Variants in ADGRV1 observed in about 807,000 individuals in gnomAD.
ADGRV1 encodes the protein adhesion G protein-coupled receptor V1, also known as G-protein coupled receptor 98.
Under a neutral mutation model 596.2 loss-of-function variants are expected in ADGRV1, and 359 were observed. The ratio of observed to expected loss-of-function variants is 0.60; its 90% CI spans 0.55 to 0.66. The LOEUF is 0.66. Ranked by LOEUF, ADGRV1 falls within the 30% of genes least tolerant of loss-of-function variation. The pLI, the probability that ADGRV1 is intolerant of heterozygous loss-of-function variation, is 0.00. For synonymous variants in ADGRV1, 2,681 were observed against 2,679.2 expected, an observed-to-expected ratio of 1.00 and a Z score of -0.02; for missense variants, 7,274 against 7,575.6, an observed-to-expected ratio of 0.96 and a Z score of 1.48.
chr5:90,819,438 T>C (rs1763250323), intron 75 of ADGRV1, among the ~76,000 whole-genome samples: 2 of 151,216 alleles, frequency 1.3e-5, no homozygotes, highest in African/African-American at 4.9e-5. Context: ...TGATTTTAGT[T>C]ATTTCTTGCC....
chr5:91,021,324 C>T (rs903977719), intron 85 of ADGRV1, among the ~76,000 whole-genome samples: 2 of 152,028 alleles, frequency 1.3e-5, no homozygotes, highest in Non-Finnish European at 2.9e-5. Context: ...GAATTCTATA[C>T]GGGGCCTAGC....
At chr5:90,847,224 G>A (rs1219917793) in intron 78 of ADGRV1, among the ~76,000 whole-genome samples, 1 of 150,404 alleles carries the variant, frequency 6.6e-6, no homozygotes, top group Non-Finnish European at 1.5e-5. Context: ...GTGCTGATTG[G>A]TGTATTTACA....
chr5:90,569,575 G>T (rs2151952893), intron 1 of ADGRV1, among the ~76,000 whole-genome samples: 1 of 150,244 alleles, frequency 6.7e-6, no homozygotes, highest in African/African-American at 2.4e-5. Context: ...TGATAAGGTA[G>T]GATTGATGTC....
chr5:90,586,276 A>G (rs558554577), intron 1 of ADGRV1, among the ~76,000 whole-genome samples: 2 of 152,376 alleles, frequency 1.3e-5, no homozygotes, highest in South Asian at 4.1e-4. Flanking sequence ...ATTTTCCTAC[A>G]TAACTACAGT....
intron 1 of ADGRV1, among the ~76,000 whole-genome samples, chr5:90,577,186 C>T (rs773196166): frequency 3.3e-5 from 5 of 152,124 alleles, no homozygotes; most frequent in South Asian, 2.1e-4. Flanking sequence ...TCATGAAGCC[C>T]TTGCCCATGC....
chr5:90,773,890 A>C (rs1757944796), intron 59 of ADGRV1, among the ~76,000 whole-genome samples: 1 of 152,162 alleles, frequency 6.6e-6, no homozygotes, highest in Non-Finnish European at 1.5e-5. Context: ...GTCTGTTTAC[A>C]TCATTGTGTG....
intron 74 of ADGRV1, among the ~76,000 whole-genome samples, chr5:90,814,990 A>ATTT (rs35375183): frequency 2.0e-5 from 3 of 148,610 alleles, no homozygotes; most frequent in African/African-American, 7.4e-5. Context: ...CAGTTTAAAC[A>ATTT]TTTTTTTTTT....
At chr5:91,099,167 A>C (rs1434959111) in intron 86 of ADGRV1, among the ~76,000 whole-genome samples, 1 of 152,136 alleles carries the variant, frequency 6.6e-6, no homozygotes, top group African/African-American at 2.4e-5. Context: ...TATTAGTCTT[A>C]CTTTCCCTGT....
At chr5:90,976,147 A>G (rs1224442650) in intron 84 of ADGRV1, among the ~76,000 whole-genome samples, 2 of 150,852 alleles carry the variant, frequency 1.3e-5, no homozygotes, top group African/African-American at 2.4e-5. Context: ...CTCTCCATCA[A>G]TATTCCATGC....
chr5:90,708,400 A>G (rs1439616668), intron 38 of ADGRV1, among the ~76,000 whole-genome samples: 4 of 151,278 alleles, frequency 2.6e-5, no homozygotes, highest in African/African-American at 9.7e-5. Flanking sequence ...ACTTAAAATT[A>G]TAGAATTTGG....
chr5:90,679,166 A>T (rs1744619565), intron 25 of ADGRV1, among the ~76,000 whole-genome samples: 1 of 152,182 alleles, frequency 6.6e-6, no homozygotes, highest in East Asian at 1.9e-4. Context: ...TGGTAAGGTG[A>T]TTATCACAGG....
intron 86 of ADGRV1, among the ~76,000 whole-genome samples, chr5:91,099,013 C>A (rs1216036144): frequency 6.6e-6 from 1 of 152,044 alleles, no homozygotes; most frequent in East Asian, 1.9e-4. Flanking sequence ...TAAAAATGAG[C>A]CTTCTGGCCC....
In ADGRV1 at chr5:91,031,231, A is replaced by G; in HGVS notation, c.18153-41216A>G. On this transcript the variant is annotated intron_variant, in intron 85 of 89. Coordinates refer to ENST00000405460, the MANE Select transcript of ADGRV1 (RefSeq NM_032119.4). ...GGAGTGTGTCCATGTGGTTCCTTCA[A>G]GGGGCTCCTCAGGTTGCTGTTGAAT... 2.5e-6 allele frequency: 4 copies of G among 1,590,102 alleles called. No individual in the cohort carries two copies. In the South Asian group the frequency reaches 3.3e-5, roughly 13 times the overall value.
chr5:90,999,033 C>G (rs1218864942), intron 85 of ADGRV1, among the ~76,000 whole-genome samples: 1 of 151,860 alleles, frequency 6.6e-6, no homozygotes, highest in Non-Finnish European at 1.5e-5. Flanking sequence ...GTTCATCTCC[C>G]TACATTAATT....
chr5:90,687,556 A>G lies in ADGRV1; in HGVS notation c.6490+1561A>G, dbSNP rs554399342. Among the ~76,000 whole-genome samples the G allele has an allele frequency of 1.9e-3, 293 of 152,296 alleles. 1 individual carries two copies. The highest frequency in any genetic ancestry group is 3.4e-3 in the Middle Eastern group (1 of 294). ...GTTGGAAGTTCTGGCCAGGGCAATT[A>G]GGCAGGAGAATGACATAAAGGGTAT... On this transcript the variant is annotated intron_variant, in intron 29 of 89. Transcript: ENST00000405460.
At chr5:91,012,757 T>C (rs1262439725) in intron 85 of ADGRV1, among the ~76,000 whole-genome samples, 1 of 152,032 alleles carries the variant, frequency 6.6e-6, no homozygotes, top group Non-Finnish European at 1.5e-5. Context: ...GGTTCAGGGG[T>C]ACATGTGAAG....
Position 90,788,259 on chromosome 5 carries a change from T to C in ADGRV1, c.13842T>C (p.Leu4614=), listed in dbSNP as rs767679425. ...VEETFIIKLH[L]VKGEAKLDSR... is the part of the protein sequence containing the mutation. ...AGACATTCATTATTAAACTTCATCT[T>C]GTGAAAGGAGAAGCTAAATTAGACT... Residue 4614 remains leucine (L), a synonymous_variant, in exon 68 of 90, where the codon CTT becomes CTC. Coordinates refer to ENST00000405460, the MANE Select transcript of ADGRV1 (RefSeq NM_032119.4). 18 of 1,612,954 alleles carry C rather than the reference T, an allele frequency of 1.1e-5. No homozygotes were observed. Among genetic ancestry groups the C allele is most frequent in the East Asian group, 4.5e-5 (2 of 44,866 alleles).
chr5:90,954,919 C>T (rs546974190), intron 83 of ADGRV1, among the ~76,000 whole-genome samples: 1 of 152,194 alleles, frequency 6.6e-6, no homozygotes, highest in East Asian at 1.9e-4. Flanking sequence ...TTGTTTCTGC[C>T]ATTTAGCAGT....
At chr5:91,085,968 CG>C (rs1357941052) in intron 86 of ADGRV1, among the ~76,000 whole-genome samples, 9 of 152,112 alleles carry the variant, frequency 5.9e-5, no homozygotes, top group African/African-American at 2.2e-4. Context: ...TCACTCATAA[CG>C]TTGGACACCA....
Sources: gnomAD v4.1 joint callset for allele counts (sites outside exome capture counted in the v4.1 genomes callset) on GRCh38, gnomAD v4.1.1 for gene constraint, MANE v1.5 for transcripts, NCBI Gene and HGNC (gene_info 2026-07-23, HGNC 2026-07-21) for gene names.